HEATR6: variants seen among roughly 807,000 people sequenced by gnomAD.
HEATR6 encodes the protein HEAT repeat containing 6, also known as HEAT repeat-containing protein 6.
In HEATR6, 106 loss-of-function variants were observed where a neutral mutation model predicts 132.8. The observed-to-expected ratio is 0.80, with a 90% CI of 0.68 to 0.94. The LOEUF (loss-of-function observed/expected upper bound fraction) is 0.94. Ranked by LOEUF, HEATR6 falls within the 40% of genes least tolerant of loss-of-function variation. The probability of loss-of-function intolerance (pLI) is 0.00; values close to 1 mark genes in which losing one functional copy is unlikely to be tolerated. For synonymous variants in HEATR6, 529 were observed against 537.8 expected, an observed-to-expected ratio of 0.98 and a Z score of 0.23; for missense variants, 1,339 against 1,425.1, an observed-to-expected ratio of 0.94 and a Z score of 0.97.
Position 60,056,160 on chromosome 17 carries a change from C to A in HEATR6, c.2157G>T (p.Lys719Asn). Reference sequence around the variant, plus strand: ...TGGATGGATCTGCTTCCCCCATGCACTTGCAAATCACCTCTCCAAGCTCCA... The same window carrying A: ...TGGATGGATCTGCTTCCCCCATGCAATTGCAAATCACCTCTCCAAGCTCCA... ...YLMELGEVICKCMGEADPSIQ... is the reference protein window; with the variant it reads ...YLMELGEVICNCMGEADPSIQ... Residue 719 changes from lysine to asparagine, a missense_variant, in exon 13 of 20, where the codon AAG becomes AAT. Transcript: ENST00000184956. The A allele has an allele frequency of 1.2e-6, 2 of 1,614,156 alleles. No homozygotes were observed. The highest frequency in any genetic ancestry group is 1.7e-6 in the Non-Finnish European group (2 of 1,180,016).
rs775036119 is a variant in HEATR6, at chr17:60,043,783, A to G, written c.3326T>C (p.Phe1109Ser). 1.1e-5 allele frequency: 17 copies of G among 1,614,024 alleles called. No individual in the cohort carries two copies. In the East Asian group the frequency reaches 2.2e-4, roughly 21 times the overall value. Residue 1109 changes from phenylalanine to serine, a missense_variant, in exon 20 of 20, where the codon TTT becomes TCT. Coordinates refer to ENST00000184956, the MANE Select transcript of HEATR6 (RefSeq NM_022070.5). The stretch of plus-strand genomic sequence containing the variant: ...ATCTCCCTCTGCTCCTGATTTTAAA[A>G]ACTGTAGAATATAGGACTGGACCAT... ...GNMVQSYILQ[F>S]LKSGAEGDDT...
chr17:60,058,405 TGAAAG>T (rs1906822713), intron 11 of HEATR6, among the ~76,000 whole-genome samples: 1 of 152,186 alleles, frequency 6.6e-6, no homozygotes, highest in Non-Finnish European at 1.5e-5. Flanking sequence ...GTCAGATACT[TGAAAG>T]GAAACTTTGA....
intron 14 of HEATR6, among the ~76,000 whole-genome samples, chr17:60,054,272 T>C (rs1331884783): frequency 6.6e-6 from 1 of 152,252 alleles, no homozygotes; most frequent in Non-Finnish European, 1.5e-5. Context: ...AGAATTCAAA[T>C]GCGAAGAAGG....
At chr17:60,057,460 T>A in intron 11 of HEATR6, 57 bp from the exon 12 acceptor site, 1 of 1,157,178 alleles carries the variant, frequency 8.6e-7, no homozygotes, top group Non-Finnish European at 1.2e-6. Context: ...GTAAAGATGG[T>A]AGTTATCCCA....
intron 14 of HEATR6, among the ~76,000 whole-genome samples, chr17:60,051,552 G>A (rs975588550): frequency 2.6e-5 from 4 of 152,142 alleles, no homozygotes; most frequent in African/African-American, 9.7e-5. Context: ...TCTAGTGCAG[G>A]GCCTGGTACA....
chr17:60,067,247 G>A (rs1198030183), intron 8 of HEATR6, among the ~76,000 whole-genome samples, 187 bp downstream of exon 8: 1 of 144,552 alleles, frequency 6.9e-6, no homozygotes, highest in Non-Finnish European at 1.5e-5. Flanking sequence ...TCCAGCCTGG[G>A]CGACAGAGCG....
At chr17:60,059,567 C>A in intron 10 of HEATR6, 46 bp from the exon 11 acceptor site, 1 of 1,245,208 alleles carries the variant, frequency 8.0e-7, no homozygotes, top group Non-Finnish European at 1.1e-6. Context: ...GATTAAACCA[C>A]AGCATAGAAC....
At chr17:60,047,593 CAA>C (rs56109196) in intron 17 of HEATR6, among the ~76,000 whole-genome samples, 188 bp from the exon 18 acceptor site, 1 of 141,078 alleles carries the variant, frequency 7.1e-6, no homozygotes, top group Admixed American at 7.2e-5. Flanking sequence ...AGGAATGTCT[CAA>C]AAAAAAAAAA....
intron 12 of HEATR6, 152 bp from the exon 13 acceptor site, chr17:60,056,389 T>A: frequency 1.6e-6 from 1 of 640,618 alleles, no homozygotes; most frequent in Non-Finnish European, 2.5e-6. Flanking sequence ...ATTTTGTGAC[T>A]AACATCAATA....
chr17:60,078,735 G>A lies in HEATR6; in HGVS notation c.180C>T (p.Ile60=). 1 of 1,555,874 alleles carries A rather than the reference G, an allele frequency of 6.4e-7. No individual in the cohort carries two copies. Among genetic ancestry groups the A allele is most frequent in the Non-Finnish European group, 8.7e-7 (1 of 1,151,258 alleles). The change falls in exon 1 of 20, where the codon ATC becomes ATT. Residue 60 remains isoleucine, a synonymous_variant. Transcript: ENST00000184956. Reference sequence around the variant, plus strand: ...CACTGCCCTCGCTGTAGTTCTCGGAGATGAGCTGATCGAAGAGCAGGTGGA... The same window carrying A: ...CACTGCCCTCGCTGTAGTTCTCGGAAATGAGCTGATCGAAGAGCAGGTGGA... ...TEIHLLFDQL[I]SENYSEGSGV...
Position 60,069,724 on chromosome 17 carries a change from G to A in HEATR6, c.926C>T (p.Ser309Phe), listed in dbSNP as rs527951950. Residue 309 changes from serine (S) to phenylalanine (F), a missense_variant, in exon 7 of 20, where the codon TCT (serine) becomes TTT (phenylalanine). By Grantham distance (155) the Ser-to-Phe change is radical. Coordinates refer to ENST00000184956, the MANE Select transcript of HEATR6 (RefSeq NM_022070.5). ...IKPQQSESSA[S>F]RPTLNKKKKS... is the part of the protein sequence containing the mutation. ...ACATAAATGTACCAAAGTTGGTCGAGAAGCACTGGATTCTGATTGCTGTGG... is the reference window on the plus strand; with the variant it reads ...ACATAAATGTACCAAAGTTGGTCGAAAAGCACTGGATTCTGATTGCTGTGG... 1 of 1,613,962 alleles carries A rather than the reference G, an allele frequency of 6.2e-7. No individual in the cohort carries two copies. The highest frequency in any genetic ancestry group is 1.1e-5 in the South Asian group (1 of 91,030).
chr17:60,070,555 T>C (rs1179303711), intron 6 of HEATR6, 151 bp downstream of exon 6: 2 of 508,360 alleles, frequency 3.9e-6, no homozygotes, highest in South Asian at 3.7e-5. Flanking sequence ...ATATTAAGTG[T>C]CTTTGAATAT....
chr17:60,056,650 C>G (rs1906752548), intron 12 of HEATR6, among the ~76,000 whole-genome samples: 1 of 152,108 alleles, frequency 6.6e-6, no homozygotes, highest in Non-Finnish European at 1.5e-5. Context: ...TTGTTTTCTT[C>G]CTTTGAAGGA....
In HEATR6 at chr17:60,072,266, A is replaced by C. The variant is rs1158178377; in HGVS notation, c.648T>G (p.Thr216=). The C allele has an allele frequency of 1.9e-6, 3 of 1,611,054 alleles. No homozygotes were observed. The highest frequency in any genetic ancestry group is 2.5e-6 in the Non-Finnish European group (3 of 1,178,076). ...YQNVCFQAFL[T]ILQSPKSSDM... ...CAGATGATTTTGGAGACTGTAAAAT[A>C]GTCAGAAAAGCTTGGAAACAGACAT... The change falls in exon 5 of 20, where the codon ACT becomes ACG. Residue 216 remains threonine (T), a synonymous_variant. Coordinates refer to ENST00000184956, the MANE Select transcript of HEATR6 (RefSeq NM_022070.5).
In HEATR6 at chr17:60,067,670, CT is replaced by C; in HGVS notation, c.1001del (p.Lys334ArgfsTer7). The C allele has an allele frequency of 6.2e-7, 1 of 1,613,346 alleles. No homozygotes were observed. Among genetic ancestry groups the C allele is most frequent in the Non-Finnish European group, 8.5e-7 (1 of 1,179,732 alleles). Reference protein sequence around the residue: ...KKIQQGEEEEKESSGEIEAAP... With the variant: ...KKIQQGEEEEXESSGEIEAAP... The stretch of plus-strand genomic sequence containing the variant: ...CTGCCTCTATTTCACCACTGGATTC[CT>C]TTTCCTCCTCCTCTCCTTGCTGGAT... On this transcript the variant is annotated frameshift_variant, in exon 8 of 20. Coordinates refer to ENST00000184956, the MANE Select transcript of HEATR6 (RefSeq NM_022070.5). LOFTEE classifies it high-confidence loss of function.
rs1458854172 is a variant in HEATR6 at position 60,041,035 on chromosome 17, G to A, written c.*2528C>T. Among the ~76,000 whole-genome samples the A allele has an allele frequency of 2.0e-5, 3 of 152,210 alleles. No individual in the cohort carries two copies. Among genetic ancestry groups the A allele is most frequent in the African/African-American group, 7.2e-5 (3 of 41,446 alleles). ...TGTGTGCTGATTTTCATCAGCTTAAGTTGTCTTTATTGTCAGTGGCTTCCT... is the reference window on the plus strand; with the variant it reads ...TGTGTGCTGATTTTCATCAGCTTAAATTGTCTTTATTGTCAGTGGCTTCCT... On this transcript the variant is annotated 3_prime_UTR_variant, in exon 20 of 20. Transcript: ENST00000184956.
At position 60,073,231 on chromosome 17, in the gene HEATR6, CA is replaced by C; in HGVS notation, c.516del (p.Ser172ArgfsTer44). On this transcript the variant is annotated frameshift_variant, in exon 4 of 20. Coordinates refer to ENST00000184956, the MANE Select transcript of HEATR6 (RefSeq NM_022070.5). LOFTEE classifies it high-confidence loss of function. Reference protein sequence around the residue: ...LGNTGLLMKLSDLAQSDPEVR... With the variant: ...LGNTGLLMKLXDLAQSDPEVR... The stretch of plus-strand genomic sequence containing the variant: ...ACTTCAGGATCAGACTGAGCCAAGT[CA>C]CTCAACTTCATTAAGAGTCCGGTGT... 1 of 1,613,890 alleles carries C rather than the reference CA, an allele frequency of 6.2e-7. No homozygotes were observed. Among genetic ancestry groups the C allele is most frequent in the South Asian group, 1.1e-5 (1 of 91,064 alleles).
intron 5 of HEATR6, 30 bp from the exon 6 acceptor site, chr17:60,070,837 G>T: frequency 8.4e-7 from 1 of 1,193,614 alleles, no homozygotes; most frequent in Non-Finnish European, 1.3e-6. Context: ...CCAGTTAGAA[G>T]GCAGAATAAA....
chr17:60,043,953 C>G lies in HEATR6; in HGVS notation c.3156G>C (p.Lys1052Asn), dbSNP rs141837882. 3.7e-5 allele frequency: 60 copies of G among 1,614,128 alleles called. No individual in the cohort carries two copies. The highest frequency in any genetic ancestry group is 1.6e-4 in the Middle Eastern group (1 of 6,062). ...IWNALVTALQKSEDTIDFLEF... is the reference protein window; with the variant it reads ...IWNALVTALQNSEDTIDFLEF... ...CCAAAAAGTCTATGGTGTCTTCACTCTTCTGTAAAGCGGTGACCAATGCAT... is the reference window on the plus strand; with the variant it reads ...CCAAAAAGTCTATGGTGTCTTCACTGTTCTGTAAAGCGGTGACCAATGCAT... The change falls in exon 20 of 20, where the codon AAG becomes AAC. Residue 1052 changes from lysine to asparagine, a missense_variant. Transcript: ENST00000184956.
Sources: allele counts gnomAD v4.1 joint callset (sites outside exome capture counted in the v4.1 genomes callset), GRCh38; gene constraint gnomAD v4.1.1; transcripts MANE v1.5; gene names NCBI Gene and HGNC (gene_info 2026-07-23, HGNC 2026-07-21).